Variants in DCC observed in about 807,000 individuals in gnomAD.
DCC encodes netrin receptor DCC.
A neutral mutation model predicts 172.5 loss-of-function variants in DCC; 58 were observed. The ratio of observed to expected loss-of-function variants is 0.34; its 90% CI spans 0.27 to 0.42. The LOEUF (loss-of-function observed/expected upper bound fraction) is 0.42, where lower values mean the gene tolerates loss of function less well. DCC is among the 10% of genes least tolerant of loss of function. The pLI, the probability that DCC is intolerant of heterozygous loss-of-function variation, is 1.00. For synonymous variants in DCC, 709 were observed against 644.5 expected (o/e 1.10, Z -1.52); for missense variants, 1,740 against 1,791.0 (o/e 0.97, Z 0.51).
At chr18:53,185,373 T>A (rs12327131) in intron 9 of DCC, among the ~76,000 whole-genome samples, 4,172 of 152,276 alleles carry the variant, frequency 0.027, 61 homozygotes, top group Admixed American at 0.046. Context: ...TCTTCATTCA[T>A]TTAAAAATAT....
At chr18:52,630,174 T>C in intron 1 of DCC, among the ~76,000 whole-genome samples, 1 of 152,086 alleles carries the variant, frequency 6.6e-6, no homozygotes, top group Non-Finnish European at 1.5e-5. Context: ...ACAACATTCC[T>C]ATCCAAATAT....
intron 25 of DCC, among the ~76,000 whole-genome samples, chr18:53,478,359 A>G (rs2045791770): frequency 1.3e-5 from 2 of 152,192 alleles, no homozygotes; most frequent in Non-Finnish European, 2.9e-5. Flanking sequence ...GTATTGCACA[A>G]TCGGATGTAA....
intron 2 of DCC, among the ~76,000 whole-genome samples, chr18:52,879,264 C>G (rs1286602764): frequency 1.3e-5 from 2 of 152,014 alleles, no homozygotes; most frequent in Admixed American, 6.6e-5. Flanking sequence ...AAAGTGCCCC[C>G]TGGGGCTGTG....
intron 25 of DCC, among the ~76,000 whole-genome samples, chr18:53,479,371 C>T (rs763113262): frequency 6.6e-6 from 1 of 152,090 alleles, no homozygotes; most frequent in African/African-American, 2.4e-5. Flanking sequence ...ATGCATTATG[C>T]AATGTTTTGT....
intron 25 of DCC, among the ~76,000 whole-genome samples, chr18:53,468,668 C>G (rs2045657244): frequency 6.6e-6 from 1 of 152,138 alleles, no homozygotes; most frequent in Non-Finnish European, 1.5e-5. Flanking sequence ...TAGGCATAAG[C>G]TACTGCACCC....
intron 12 of DCC, among the ~76,000 whole-genome samples, chr18:53,303,679 G>A (rs2057167155): frequency 6.6e-6 from 1 of 152,108 alleles, no homozygotes; most frequent in African/African-American, 2.4e-5. Flanking sequence ...CAGGAGCTAG[G>A]GTGAGCACTT....
At chr18:53,400,478 T>C (rs1414222821) in intron 18 of DCC, among the ~76,000 whole-genome samples, 4 of 152,068 alleles carry the variant, frequency 2.6e-5, no homozygotes, top group African/African-American at 9.7e-5. Context: ...AGAGAATGGG[T>C]AGACAATGAA....
intron 8 of DCC, among the ~76,000 whole-genome samples, chr18:53,159,268 A>G (rs1054256309): frequency 5.9e-5 from 9 of 152,048 alleles, no homozygotes; most frequent in Admixed American, 6.6e-5. Flanking sequence ...CTCCTTATGT[A>G]TATTTTTCCT....
Position 53,499,414 on chromosome 18 carries a change from A to G in DCC, c.4015A>G (p.Thr1339Ala), listed in dbSNP as rs1476824565. 1 of 1,613,918 alleles carries G rather than the reference A, an allele frequency of 6.2e-7. No homozygotes were observed. The change falls in exon 27 of 29, where the codon ACT (threonine) becomes GCT (alanine). Residue 1339 changes from threonine to alanine, a missense_variant. Thr to Ala is a moderately conservative substitution (Grantham distance 58). Coordinates refer to ENST00000442544, the MANE Select transcript of DCC (RefSeq NM_005215.4). Reference sequence around the variant, plus strand: ...CATCCCCACAGCTTGTGTTCGACCAACTCACCCACTCCGCAGCTTTGCTAA... The same window carrying G: ...CATCCCCACAGCTTGTGTTCGACCAGCTCACCCACTCCGCAGCTTTGCTAA... ...RTIPTACVRP[T>A]HPLRSFANPL...
chr18:52,645,753 G>A (rs553585580), intron 1 of DCC, among the ~76,000 whole-genome samples: 1 of 152,170 alleles, frequency 6.6e-6, no homozygotes, highest in South Asian at 2.1e-4. Context: ...AGAGTTTGGT[G>A]AGTTCTAGAC....
At chr18:52,780,420 A>ATATTT (rs1274014194) in intron 2 of DCC, among the ~76,000 whole-genome samples, 2 of 152,100 alleles carry the variant, frequency 1.3e-5, no homozygotes, top group Admixed American at 1.3e-4. Flanking sequence ...AGAAAAAGTA[A>ATATTT]TATTTTCCTC....
At chr18:52,928,599 A>G (rs1020642451) in intron 5 of DCC, among the ~76,000 whole-genome samples, 1 of 152,218 alleles carries the variant, frequency 6.6e-6, no homozygotes, top group Non-Finnish European at 1.5e-5. Flanking sequence ...GGATAGATAT[A>G]CACATAGATA....
chr18:52,682,275 C>A (rs1190961945), intron 1 of DCC, among the ~76,000 whole-genome samples: 1 of 152,070 alleles, frequency 6.6e-6, no homozygotes, highest in Non-Finnish European at 1.5e-5. Flanking sequence ...ATCCCAGTGC[C>A]TTTACTCTAC....
At chr18:53,349,277 G>A (rs1429568915) in intron 15 of DCC, among the ~76,000 whole-genome samples, 1 of 152,178 alleles carries the variant, frequency 6.6e-6, no homozygotes, top group East Asian at 1.9e-4. Flanking sequence ...CTTTGCTCCA[G>A]TTCCCAACAA....
Position 53,530,749 on chromosome 18 carries a change from G to A in DCC, c.*96G>A. The stretch of plus-strand genomic sequence containing the variant: ...CACCTGTGTCCAAGAACTCTAACCA[G>A]TGTACAGGTCACCCATCAGGACCAC... On this transcript the variant is annotated 3_prime_UTR_variant, in exon 29 of 29. Transcript: ENST00000442544. The A allele has an allele frequency of 1.3e-6, 1 of 780,868 alleles. No homozygotes were observed. Among genetic ancestry groups the A allele is most frequent in the Non-Finnish European group, 2.4e-6 (1 of 425,194 alleles). The allele number at this position is 780,868 out of a possible 1,614,324, so 48.4% of individuals were successfully genotyped here. A position where few individuals can be genotyped will look rare whatever the true frequency, so the allele number is the denominator to read the frequency against.
chr18:52,986,251 C>A (rs562809908), intron 5 of DCC, among the ~76,000 whole-genome samples: 3 of 152,028 alleles, frequency 2.0e-5, no homozygotes, highest in South Asian at 2.1e-4. Flanking sequence ...TTCCTACCTG[C>A]GAAAATCATT....
chr18:52,547,595 TTGAAAGACCAG>T (rs2032652620), intron 1 of DCC, among the ~76,000 whole-genome samples: 1 of 152,100 alleles, frequency 6.6e-6, no homozygotes, highest in Non-Finnish European at 1.5e-5. Context: ...GTTTAGACAT[TTGAAAGACCAG>T]TGAACAAATA....
intron 2 of DCC, among the ~76,000 whole-genome samples, chr18:52,818,580 A>G (rs1396985464): frequency 1.3e-5 from 2 of 151,958 alleles, no homozygotes; most frequent in East Asian, 3.9e-4. Flanking sequence ...CTGCTCTGGG[A>G]TACTAAAAGA....
chr18:52,651,168 A>G (rs1052445379), intron 1 of DCC, among the ~76,000 whole-genome samples: 1 of 152,066 alleles, frequency 6.6e-6, no homozygotes, highest in Non-Finnish European at 1.5e-5. Context: ...TTGTATTTAT[A>G]TATTTATTTT....
Sources: allele counts gnomAD v4.1 joint callset (sites outside exome capture counted in the v4.1 genomes callset), GRCh38; gene constraint gnomAD v4.1.1; transcripts MANE v1.5; gene names NCBI Gene and HGNC (gene_info 2026-07-23, HGNC 2026-07-21).